Variants in RYR3 observed in about 807,000 individuals in gnomAD.
The protein encoded by RYR3 is ryanodine receptor 3.
Under a neutral mutation model 584.3 loss-of-function variants are expected in RYR3, and 207 were observed. That is an observed-to-expected ratio of 0.35 (90% confidence interval 0.32 to 0.40). The LOEUF (loss-of-function observed/expected upper bound fraction) is 0.40, where lower values mean the gene tolerates loss of function less well. Among genes scored for constraint, RYR3 ranks in the 10% least tolerant of loss-of-function variants. RYR3 has a pLI of 1.00. For synonymous variants in RYR3, 2,416 were observed against 2,248.5 expected (o/e 1.07, Z -2.11); for missense variants, 5,616 against 6,089.2 (o/e 0.92, Z 2.59).
At chr15:33,541,755 C>CT (rs1029629218) in intron 7 of RYR3, among the ~76,000 whole-genome samples, 30 of 152,256 alleles carry the variant, frequency 2.0e-4, no homozygotes, top group African/African-American at 7.2e-4. Context: ...GATAGCTAAA[C>CT]TGAAGACTCA....
chr15:33,464,478 A>ATG (rs1567295406), intron 1 of RYR3, among the ~76,000 whole-genome samples: 3 of 88,450 alleles, frequency 3.4e-5, no homozygotes, highest in Non-Finnish European at 6.2e-5. Flanking sequence ...ATATATATAT[A>ATG]TATATATATA....
intron 42 of RYR3, among the ~76,000 whole-genome samples, chr15:33,705,706 G>A (rs113427080): frequency 0.034 from 5,228 of 152,286 alleles, 298 homozygotes; most frequent in African/African-American, 0.12. Context: ...CTTAATGGAT[G>A]GGGATCTCTT....
intron 51 of RYR3, 71 bp downstream of exon 51, chr15:33,740,066 G>T: frequency 1.5e-6 from 2 of 1,374,500 alleles, no homozygotes; most frequent in Non-Finnish European, 1.0e-6. Flanking sequence ...CCAGAGGGTA[G>T]CAAGAAATGT....
chr15:33,369,683 A>G (rs908894671), intron 1 of RYR3, among the ~76,000 whole-genome samples: 2 of 152,054 alleles, frequency 1.3e-5, no homozygotes, highest in Admixed American at 1.3e-4. Context: ...TCTGCTCTAG[A>G]CTTTAAAGGA....
At chr15:33,660,495 G>A (rs1042340372) in intron 34 of RYR3, 72 bp downstream of exon 34, 1 of 1,027,326 alleles carries the variant, frequency 9.7e-7, no homozygotes, top group African/African-American at 1.6e-5. Flanking sequence ...CAGCCCAGAA[G>A]GAAACCAGGA....
chr15:33,386,194 C>T (rs1359989533), intron 1 of RYR3, among the ~76,000 whole-genome samples: 1 of 152,152 alleles, frequency 6.6e-6, no homozygotes, highest in African/African-American at 2.4e-5. Flanking sequence ...CACCACCCCT[C>T]TTGCTTGCTT....
chr15:33,697,239 A>G (rs2065916377), intron 39 of RYR3, among the ~76,000 whole-genome samples: 1 of 152,236 alleles, frequency 6.6e-6, no homozygotes, highest in African/African-American at 2.4e-5. Context: ...AAATGCACTC[A>G]TTCGTCAAAC....
chr15:33,738,706 C>A, intron 50 of RYR3, 116 bp downstream of exon 50: 1 of 1,107,348 alleles, frequency 9.0e-7, no homozygotes, highest in Non-Finnish European at 1.3e-6. Flanking sequence ...CTAAGTACTT[C>A]ACAAGCATAT....
chr15:33,399,298 A>G (rs926466557), intron 1 of RYR3, among the ~76,000 whole-genome samples: 9 of 152,210 alleles, frequency 5.9e-5, no homozygotes, highest in Admixed American at 2.6e-4. Flanking sequence ...TTACATTTCA[A>G]TAGACTCGCT....
At position 33,311,062 on chromosome 15, in the gene RYR3, A is replaced by G. The variant is rs562147027; in HGVS notation, c.17A>G (p.Glu6Gly). 303 of 1,582,534 alleles carry G rather than the reference A, an allele frequency of 1.9e-4. No homozygotes were observed. Among genetic ancestry groups the G allele is most frequent in the East Asian group, 6.8e-4 (28 of 41,164 alleles). The change falls in exon 1 of 104, where the codon GAA becomes GGA. Residue 6 changes from glutamate (E) to glycine (G), a missense_variant. By Grantham distance (98) the Glu-to-Gly change is moderately conservative. Around this residue, in one of 9 missense-constraint regions of RYR3, gnomAD observed 1,284 missense variants for 1,344.6 expected, o/e 0.95. Coordinates refer to ENST00000634891, the MANE Select transcript of RYR3 (RefSeq NM_001036.6). This position sits in a 1 kb window ranked among gnomAD's most constrained non-coding sequence, Gnocchi z 4.4. ...TCGGGAGCCATGGCCGAAGGGGGAG[A>G]AGGAGGCGAGGACGAGATCCAGTTT... MAEGG[E>G]GGEDEIQFLR...
chr15:33,738,294 C>T (rs1414415053), intron 49 of RYR3, among the ~76,000 whole-genome samples, 156 bp from the exon 50 acceptor site: 1 of 152,130 alleles, frequency 6.6e-6, no homozygotes, highest in African/African-American at 2.4e-5. Context: ...CTGTTCCCAG[C>T]GGTGTTTGAA....
intron 59 of RYR3, among the ~76,000 whole-genome samples, chr15:33,757,173 T>C (rs1176544332): frequency 6.6e-6 from 1 of 152,190 alleles, no homozygotes; most frequent in Non-Finnish European, 1.5e-5. Context: ...GCCTCTTAGA[T>C]GCAGCGCCCA....
intron 1 of RYR3, among the ~76,000 whole-genome samples, chr15:33,373,618 A>C (rs979445306): frequency 6.6e-6 from 1 of 152,150 alleles, no homozygotes; most frequent in African/African-American, 2.4e-5. Flanking sequence ...AGATTTTAAA[A>C]ATTGTTTGTT....
At chr15:33,455,488 A>G (rs2047474735) in intron 1 of RYR3, among the ~76,000 whole-genome samples, 1 of 151,270 alleles carries the variant, frequency 6.6e-6, no homozygotes, top group Admixed American at 6.7e-5. Context: ...GAAGCTTTTC[A>G]GGAGAGGAGT....
chr15:33,852,747 A>G (rs968231986), intron 94 of RYR3: 5 of 291,208 alleles, frequency 1.7e-5, no homozygotes, highest in African/African-American at 1.1e-4. Context: ...ACTTAGAAAC[A>G]TACAACTGTC....
chr15:33,471,947 TA>T (rs1293728433), intron 1 of RYR3, among the ~76,000 whole-genome samples: 2 of 152,166 alleles, frequency 1.3e-5, no homozygotes, highest in Non-Finnish European at 2.9e-5. Flanking sequence ...ATACAGGATC[TA>T]GGGGCACACT....
chr15:33,336,452 G>A lies in RYR3; in HGVS notation c.51+25356G>A, dbSNP rs188577165. On this transcript the variant is annotated intron_variant, in intron 1 of 103. Coordinates refer to ENST00000634891, the MANE Select transcript of RYR3 (RefSeq NM_001036.6). ...AAAGAAAGAAAGAAAGAGAGAGAGA[G>A]AGAGAGAGAGAGAGAGAGAGAGAGA... is the stretch of plus-strand genomic sequence containing the variant. Among the ~76,000 whole-genome samples the A allele has an allele frequency of 5.3e-3, 63 of 11,832 alleles. 1 individual carries two copies. Among genetic ancestry groups the A allele is most frequent in the African/African-American group, 0.027 (24 of 904 alleles). The allele number at this position is 11,832 out of a possible 152,430, so 7.8% of individuals were successfully genotyped here.
chr15:33,745,136 CA>C (rs2070563346), intron 52 of RYR3, among the ~76,000 whole-genome samples: 2 of 152,040 alleles, frequency 1.3e-5, no homozygotes, highest in African/African-American at 4.8e-5. Flanking sequence ...GCAGTGGTGT[CA>C]AGGAGGACTC....
rs41279228 is a variant in RYR3 at position 33,844,999 on chromosome 15, T to G, written c.13434T>G (p.Arg4478=). ...ESTGYMAPTL[R]ALAIIHTIIS... ...CCGGGTATATGGCACCAACCCTGCG[T>G]GCCCTGGCCATCATCCATACCATCA... The change falls in exon 93 of 104, where the codon CGT becomes CGG. Residue 4478 remains arginine, a synonymous_variant. Coordinates refer to ENST00000634891, the MANE Select transcript of RYR3 (RefSeq NM_001036.6). 307,113 of 1,613,698 alleles carry G rather than the reference T, an allele frequency of 0.19. 31,342 individuals are homozygous for G. The highest frequency in any genetic ancestry group is 0.25 in the Middle Eastern group (1,536 of 6,062).
Sources: allele counts gnomAD v4.1 joint callset (sites outside exome capture counted in the v4.1 genomes callset), GRCh38; gene constraint gnomAD v4.1.1; regional missense constraint gnomAD v4.1.1; non-coding constraint Gnocchi (gnomAD v3.1); transcripts MANE v1.5; gene names NCBI Gene and HGNC (gene_info 2026-07-23, HGNC 2026-07-21).